Variants in MYBL2 observed in about 807,000 individuals in gnomAD.
The protein encoded by MYBL2 is myb-related protein B.
In MYBL2, 28 loss-of-function variants were observed where a neutral mutation model predicts 79.9. That is an observed-to-expected ratio of 0.35 (90% CI 0.26 to 0.48). The LOEUF (loss-of-function observed/expected upper bound fraction) is 0.48. Among genes scored for constraint, MYBL2 ranks in the 20% least tolerant of loss-of-function variants. The probability of loss-of-function intolerance (pLI) is 0.99; values close to 1 mark genes in which losing one functional copy is unlikely to be tolerated. For missense variants in MYBL2, 735 were observed against 893.9 expected, an observed-to-expected ratio of 0.82 and a Z score of 2.27; for synonymous variants, 378 against 361.2, an observed-to-expected ratio of 1.05 and a Z score of -0.53.
intron 4 of MYBL2, among the ~76,000 whole-genome samples, chr20:43,684,887 C>T (rs2145716416): frequency 6.6e-6 from 1 of 150,712 alleles, no homozygotes; most frequent in South Asian, 2.1e-4. Flanking sequence ...TGGCTCACAC[C>T]TGTAATCCCA....
At chr20:43,697,262 C>T (rs1051609254) in intron 6 of MYBL2, among the ~76,000 whole-genome samples, 1 of 151,884 alleles carries the variant, frequency 6.6e-6, no homozygotes, top group Non-Finnish European at 1.5e-5. Flanking sequence ...GATTGAATTA[C>T]TTTGGAGTTG....
chr20:43,674,683 T>C (rs1204871446), intron 2 of MYBL2, among the ~76,000 whole-genome samples: 1 of 150,840 alleles, frequency 6.6e-6, no homozygotes, highest in Non-Finnish European at 1.5e-5. Context: ...CGTGAGCCAC[T>C]GCACCCGGCC....
At chr20:43,709,453 C>CAAACCCAGGA (rs1987857256) in intron 9 of MYBL2, among the ~76,000 whole-genome samples, 1 of 152,224 alleles carries the variant, frequency 6.6e-6, no homozygotes, top group Non-Finnish European at 1.5e-5. Flanking sequence ...CCAGACCATC[C>CAAACCCAGGA]TGGGTTTTTC....
chr20:43,675,653 A>G (rs536718013), intron 2 of MYBL2, among the ~76,000 whole-genome samples: 53 of 152,114 alleles, frequency 3.5e-4, no homozygotes, highest in African/African-American at 1.2e-3. Context: ...CAATGTAAGC[A>G]CCACCCTGAT....
chr20:43,703,479 G>C (rs1385082034), intron 8 of MYBL2, among the ~76,000 whole-genome samples: 1 of 152,220 alleles, frequency 6.6e-6, no homozygotes, highest in African/African-American at 2.4e-5. Flanking sequence ...ATGGGTGCCA[G>C]GGTCTCTCTG....
At chr20:43,690,714 C>T (rs1369595433) in intron 5 of MYBL2, among the ~76,000 whole-genome samples, 1 of 151,862 alleles carries the variant, frequency 6.6e-6, no homozygotes, top group African/African-American at 2.4e-5. Context: ...GCTTGGCACT[C>T]CAAAGAAGGT....
In MYBL2 at chr20:43,715,244, G is replaced by T. The variant is rs747943552; in HGVS notation, c.1935G>T (p.Val645=). The T allele has an allele frequency of 3.7e-6, 6 of 1,614,252 alleles. No homozygotes were observed. The highest frequency in any genetic ancestry group is 5.1e-6 in the Non-Finnish European group (6 of 1,180,052). ...AGGCCAAGCCCGAGAAGGCAGCAGT[G>T]GCCCAGAAGCCCCGAAGCCACTTCA... is the stretch of plus-strand genomic sequence containing the variant. ...FLQAKPEKAA[V]AQKPRSHFTT... is the part of the protein sequence containing the mutation. The change falls in exon 13 of 14, where the codon GTG becomes GTT. Residue 645 remains valine, a synonymous_variant. Transcript: ENST00000217026.
In MYBL2 at chr20:43,692,301, CCA is replaced by C; in HGVS notation, c.646_647del (p.Gln216AlafsTer26). 6.2e-7 allele frequency: 1 copy of C among 1,614,144 alleles called. No homozygotes were observed. Among genetic ancestry groups the C allele is most frequent in the South Asian group, 1.1e-5 (1 of 91,078 alleles). ...AGGACAAGGACGGCCTCCAGAGTGC[CCA>C]GCCCACGGAAGGCCAGGTGAGACAG... ...LEDKDGLQSAQPTEGQGSLLT... is the reference protein window; with the variant it reads ...LEDKDGLQSAXPTEGQGSLLT... On this transcript the variant is annotated frameshift_variant, in exon 6 of 14. Transcript: ENST00000217026. LOFTEE classifies it high-confidence loss of function.
chr20:43,682,496 G>A (rs1435970252), intron 3 of MYBL2, among the ~76,000 whole-genome samples: 2 of 152,232 alleles, frequency 1.3e-5, no homozygotes, highest in East Asian at 1.9e-4. Flanking sequence ...CTAGAAAAAA[G>A]CAGGGGTCCC....
At position 43,682,791 on chromosome 20, in the gene MYBL2, C is replaced by T. The variant is rs1328491148; in HGVS notation, c.187-3C>T. ...TTGGTTTGTTCTTCTGTTCTTTTCC[C>T]AGAACCGCACTGACCAGCAATGCCA... On this transcript the variant is annotated splice_region_variant and splice_polypyrimidine_tract_variant and intron_variant, in intron 3 of 13. Transcript: ENST00000217026. 2 of 1,613,754 alleles carry T rather than the reference C, an allele frequency of 1.2e-6. No individual in the cohort carries two copies. The highest frequency in any genetic ancestry group is 1.7e-6 in the Non-Finnish European group (2 of 1,179,700).
At chr20:43,694,176 C>CA (rs1987477606) in intron 6 of MYBL2, among the ~76,000 whole-genome samples, 1 of 150,090 alleles carries the variant, frequency 6.7e-6, no homozygotes, top group African/African-American at 2.5e-5. Flanking sequence ...ACTAAAAGTA[C>CA]AAAAAATTAG....
At chr20:43,688,466 A>G (rs1019286172) in intron 5 of MYBL2, among the ~76,000 whole-genome samples, 2 of 151,980 alleles carry the variant, frequency 1.3e-5, no homozygotes, top group Non-Finnish European at 2.9e-5. Flanking sequence ...AAGTGTTGGG[A>G]TTACAGGCAT....
At chr20:43,676,400 G>T (rs1028982189) in intron 2 of MYBL2, among the ~76,000 whole-genome samples, 1 of 152,140 alleles carries the variant, frequency 6.6e-6, no homozygotes, top group African/African-American at 2.4e-5. Flanking sequence ...GTTTGCTTAG[G>T]ATAATATGTT....
chr20:43,704,965 C>G (rs1030930824), intron 8 of MYBL2, among the ~76,000 whole-genome samples: 1 of 152,130 alleles, frequency 6.6e-6, no homozygotes, highest in Non-Finnish European at 1.5e-5. Context: ...CGTCAGCACT[C>G]GAGTAGAGAT....
intron 5 of MYBL2, among the ~76,000 whole-genome samples, chr20:43,690,577 AC>A (rs761944922): frequency 3.3e-5 from 5 of 152,102 alleles, no homozygotes; most frequent in Non-Finnish European, 7.4e-5. Flanking sequence ...CCCTTACCCT[AC>A]ACCTTTGCCC....
At chr20:43,697,258 A>C (rs929206773) in intron 6 of MYBL2, among the ~76,000 whole-genome samples, 1 of 152,158 alleles carries the variant, frequency 6.6e-6, no homozygotes, top group East Asian at 1.9e-4. Context: ...TTTTGATTGA[A>C]TTACTTTGGA....
chr20:43,698,610 C>G (rs1282407231), intron 6 of MYBL2, among the ~76,000 whole-genome samples: 1 of 150,600 alleles, frequency 6.6e-6, no homozygotes, highest in Non-Finnish European at 1.5e-5. Context: ...ATCCTCCTGA[C>G]CTTGTGATCC....
chr20:43,691,491 C>A (rs74490258), intron 5 of MYBL2, among the ~76,000 whole-genome samples: 2,441 of 151,512 alleles, frequency 0.016, 73 homozygotes, highest in African/African-American at 0.056. Flanking sequence ...CCAGCACCTC[C>A]CAAAGTGCCA....
intron 2 of MYBL2, among the ~76,000 whole-genome samples, chr20:43,674,354 A>G (rs1220388529): frequency 2.0e-5 from 3 of 147,356 alleles, no homozygotes; most frequent in Non-Finnish European, 3.0e-5. Flanking sequence ...CTCCTGCCTC[A>G]GGTGCGATTA....
Sources: gnomAD v4.1 joint callset for allele counts (sites outside exome capture counted in the v4.1 genomes callset) on GRCh38, gnomAD v4.1.1 for gene constraint, MANE v1.5 for transcripts, NCBI Gene and HGNC (gene_info 2026-07-23, HGNC 2026-07-21) for gene names.